The following THTPA variants were observed in gnomAD, a reference collection of about 807,000 sequenced individuals.
The protein encoded by THTPA is thiamine triphosphatase, also known as thiamine-triphosphatase.
Under a neutral mutation model 16.5 loss-of-function variants are expected in THTPA, and 16 were observed. That is an observed-to-expected ratio of 0.97 (90% CI 0.66 to 1.47). The LOEUF is 1.47. Among genes scored for constraint, THTPA ranks in the 40% most tolerant of loss-of-function variants. The pLI is 0.00. For synonymous variants in THTPA, 110 were observed against 115.5 expected (o/e 0.95, Z 0.30); for missense variants, 281 against 280.9 (o/e 1.00, Z 0.00).
the THTPA span, chr14:23,543,795 ACTT>A: frequency 1.3e-5 from 2 of 152,112 alleles, no homozygotes; most frequent in African/African-American, 4.8e-5. Flanking sequence ...TAGCATATGA[ACTT>A]CATCAGACAA....
At chr14:23,541,925 A>G in the THTPA span, among the ~76,000 whole-genome samples, 4 of 152,152 alleles carry the variant, frequency 2.6e-5, no homozygotes, top group African/African-American at 9.7e-5. Context: ...TTCCCCTTTT[A>G]TAAATATTTA....
the THTPA span, chr14:23,525,639 C>G: frequency 1.2e-5 from 19 of 1,535,884 alleles, no homozygotes; most frequent in Non-Finnish European, 1.7e-5. The surrounding 1 kb of genome is among the most constrained non-coding windows in gnomAD (Gnocchi z 5.9). Context: ...GTGCGGGCAG[C>G]CTCGTTGGGC....
the THTPA span, chr14:23,522,209 G>C: frequency 6.8e-7 from 1 of 1,480,850 alleles, no homozygotes; most frequent in Admixed American, 2.2e-5. Context: ...GGTGCAGATG[G>C]GCACCCGCAA....
chr14:23,516,667 A>C, the THTPA span, among the ~76,000 whole-genome samples: 1 of 151,988 alleles, frequency 6.6e-6, no homozygotes, highest in Non-Finnish European at 1.5e-5. Context: ...GGCTAGGTAC[A>C]AGATGGGTCC....
the THTPA span, chr14:23,525,808 C>T: frequency 5.5e-6 from 8 of 1,465,734 alleles, no homozygotes; most frequent in Non-Finnish European, 5.4e-6. The surrounding 1 kb of genome is among the most constrained non-coding windows in gnomAD (Gnocchi z 5.9). Flanking sequence ...CAGCTAGTGT[C>T]AGCTTGGGCC....
the THTPA span, chr14:23,527,822 G>T: frequency 1.3e-6 from 2 of 1,534,728 alleles, no homozygotes; most frequent in Non-Finnish European, 1.7e-6. Flanking sequence ...GAACATATGG[G>T]CAGTGGACGA....
At chr14:23,525,153 A>G in the THTPA span, 1 of 1,536,112 alleles carries the variant, frequency 6.5e-7, no homozygotes, top group Admixed American at 2.0e-5. This position sits in a 1 kb window ranked among gnomAD's most constrained non-coding sequence, Gnocchi z 5.9. Context: ...GTTCTGGAGA[A>G]CCGGCGGCCG....
the THTPA span, chr14:23,521,721 G>T: frequency 1.6e-6 from 1 of 617,354 alleles, no homozygotes. Flanking sequence ...AGATGGGCAA[G>T]GGCTACATCT....
chr14:23,534,840 G>A, the THTPA span: 1 of 1,536,162 alleles, frequency 6.5e-7, no homozygotes, highest in East Asian at 2.4e-5. This position sits in a 1 kb window ranked among gnomAD's most constrained non-coding sequence, Gnocchi z 4.5. Context: ...GGTGTGAGGG[G>A]GGTGGGTAGG....
chr14:23,535,179 C>T, the THTPA span: 1 of 1,533,294 alleles, frequency 6.5e-7, no homozygotes, highest in Middle Eastern at 1.7e-4. The surrounding 1 kb of genome is among the most constrained non-coding windows in gnomAD (Gnocchi z 4.5). Context: ...ACCTCATGTT[C>T]TCAGAGGTGG....
At chr14:23,527,549 C>T in the THTPA span, 2 of 1,530,836 alleles carry the variant, frequency 1.3e-6, no homozygotes. Flanking sequence ...TTCCTCCCCT[C>T]CTGCACAGCC....
chr14:23,553,909 C>CAAAA (rs1423316343), upstream of THTPA, among the ~76,000 whole-genome samples: 3 of 151,332 alleles, frequency 2.0e-5, no homozygotes, highest in Non-Finnish European at 4.4e-5. Flanking sequence ...AACAAACAAA[C>CAAAA]AAAAATTAGG....
the THTPA span, among the ~76,000 whole-genome samples, chr14:23,517,462 C>T: frequency 6.6e-6 from 1 of 152,172 alleles, no homozygotes; most frequent in Admixed American, 6.5e-5. Flanking sequence ...AGTATAAAGG[C>T]ATTTCTTCCC....
rs1167317023 is a variant in THTPA, at chr14:23,556,960, G to T, written c.203G>T (p.Gly68Val). ...AGTGGATGGGAGCTCAAATGTCCTG[G>T]AGCAGCAGGTGTCTTAGGACCCCAC... ...EDSGWELKCP[G>V]AAGVLGPHTE... Residue 68 changes from glycine to valine, a missense_variant, in exon 1 of 2, where the codon GGA (glycine) becomes GTA (valine). By Grantham distance (109) the Gly-to-Val change is moderately radical (BLOSUM62 -3). Coordinates refer to ENST00000288014, the MANE Select transcript of THTPA (RefSeq NM_024328.6). 6 of 1,614,036 alleles carry T rather than the reference G, an allele frequency of 3.7e-6. No homozygotes were observed. Among genetic ancestry groups the T allele is most frequent in the Non-Finnish European group, 5.1e-6 (6 of 1,180,038 alleles).
At chr14:23,532,440 TG>T in the THTPA span, 1 of 1,162,752 alleles carries the variant, frequency 8.6e-7, no homozygotes, top group Non-Finnish European at 1.1e-6. Context: ...TGTCATTACC[TG>T]GTGCATACTT....
chr14:23,524,461 A>T, the THTPA span: 6 of 1,534,976 alleles, frequency 3.9e-6, no homozygotes, highest in Non-Finnish European at 5.2e-6. The surrounding 1 kb of genome is among the most constrained non-coding windows in gnomAD (Gnocchi z 5.6). Flanking sequence ...TGAGAGGTGG[A>T]CCTGGCATTG....
chr14:23,524,799 C>T, the THTPA span: 1 of 1,536,908 alleles, frequency 6.5e-7, no homozygotes. This position sits in a 1 kb window ranked among gnomAD's most constrained non-coding sequence, Gnocchi z 5.6. Context: ...TCTTCTTCTT[C>T]CACCTCTTCC....
chr14:23,520,356 G>C, the THTPA span, among the ~76,000 whole-genome samples: 1 of 150,922 alleles, frequency 6.6e-6, no homozygotes, highest in Non-Finnish European at 1.5e-5. This position sits in a 1 kb window ranked among gnomAD's most constrained non-coding sequence, Gnocchi z 8.7. Flanking sequence ...AAGGAGACTG[G>C]GGGGAAGGGA....
At chr14:23,536,410 C>T in the THTPA span, among the ~76,000 whole-genome samples, 1 of 152,192 alleles carries the variant, frequency 6.6e-6, no homozygotes, top group African/African-American at 2.4e-5. Flanking sequence ...AGGCACCATG[C>T]TTCTCTCCAA....
Sources: gnomAD v4.1 joint callset for allele counts (sites outside exome capture counted in the v4.1 genomes callset) on GRCh38, gnomAD v4.1.1 for gene constraint, Gnocchi (gnomAD v3.1) non-coding constraint, MANE v1.5 for transcripts, NCBI Gene and HGNC (gene_info 2026-07-23, HGNC 2026-07-21) for gene names.